Variants in CDH10 observed in about 807,000 individuals in gnomAD.
CDH10 encodes the protein cadherin-10.
Under a neutral mutation model 73.1 loss-of-function variants are expected in CDH10, and 30 were observed. The ratio of observed to expected loss-of-function variants is 0.41; its 90% CI spans 0.31 to 0.56. CDH10 has a LOEUF of 0.56. Ranked by LOEUF, CDH10 falls within the 20% of genes least tolerant of loss-of-function variation. CDH10 has a pLI of 0.27. For missense variants in CDH10, 815 were observed against 973.7 expected (o/e 0.84, Z 2.17); for synonymous variants, 345 against 348.2 (o/e 0.99, Z 0.10).
At position 24,535,103 on chromosome 5, in the gene CDH10, G is replaced by C. The variant is rs757351729; in HGVS notation, c.814+9C>G. ...TTGCCCGGCAGAATGACCATTAAAG[G>C]GTGCTTACTCTGGGGGAAACGTGGT... is the stretch of plus-strand genomic sequence containing the variant. On this transcript the variant is annotated intron_variant, in intron 5 of 11. Coordinates refer to ENST00000264463, the MANE Select transcript of CDH10 (RefSeq NM_006727.5). 6.3e-7 allele frequency: 1 copy of C among 1,586,606 alleles called. No individual in the cohort carries two copies. The highest frequency in any genetic ancestry group is 8.5e-7 in the Non-Finnish European group (1 of 1,170,626).
At chr5:24,551,410 G>A (rs1238235256) in intron 2 of CDH10, among the ~76,000 whole-genome samples, 2 of 151,798 alleles carry the variant, frequency 1.3e-5, no homozygotes, top group Admixed American at 6.6e-5. Flanking sequence ...TCAAGTTTGA[G>A]GTATTTTTTT....
chr5:24,538,736 A>G (rs541293808), intron 2 of CDH10, among the ~76,000 whole-genome samples: 1 of 152,220 alleles, frequency 6.6e-6, no homozygotes, highest in Admixed American at 6.6e-5. Flanking sequence ...ATGTTTGGGC[A>G]GGAAATAATG....
In CDH10 at chr5:24,535,859, C is replaced by T. The variant is rs745582411; in HGVS notation, c.527-37G>A. On this transcript the variant is annotated intron_variant, in intron 3 of 11. Transcript: ENST00000264463. ...AAATTCAGCTTAGTTCTGCACAGTA[C>T]CAGAAGGAGGAGCAAAAGCACTGGT... 13 of 1,493,014 alleles carry T rather than the reference C, an allele frequency of 8.7e-6. No homozygotes were observed. The Admixed American group carries it at 2.4e-4, about 28-fold the overall frequency. The allele number at this position is 1,493,014 out of a possible 1,614,324, so 92.5% of individuals were successfully genotyped here. A position where few individuals can be genotyped will look rare whatever the true frequency, so the allele number is the denominator to read the frequency against.
At chr5:24,553,977 G>C (rs1454665050) in intron 2 of CDH10, 1 of 151,726 alleles carries the variant, frequency 6.6e-6, no homozygotes, top group Non-Finnish European at 1.5e-5. Context: ...GCTCCCACTG[G>C]GCTGTGCAGA....
chr5:24,490,734 C>T (rs1386815870), intron 11 of CDH10, among the ~76,000 whole-genome samples: 4 of 151,918 alleles, frequency 2.6e-5, no homozygotes, highest in Non-Finnish European at 4.4e-5. Context: ...AAAAATATTG[C>T]TACAATTTAT....
intron 1 of CDH10, among the ~76,000 whole-genome samples, chr5:24,625,385 A>G (rs1489096288): frequency 6.6e-6 from 1 of 151,902 alleles, no homozygotes; most frequent in African/African-American, 2.4e-5. Flanking sequence ...ATGTGGAGCA[A>G]TACTCTACAC....
At chr5:24,562,396 G>T (rs1744993247) in intron 2 of CDH10, among the ~76,000 whole-genome samples, 1 of 151,804 alleles carries the variant, frequency 6.6e-6, no homozygotes, top group African/African-American at 2.4e-5. Flanking sequence ...GTCTAATGGT[G>T]TCTCAAATTT....
At chr5:24,547,674 T>C (rs931523841) in intron 2 of CDH10, among the ~76,000 whole-genome samples, 2 of 152,082 alleles carry the variant, frequency 1.3e-5, no homozygotes, top group African/African-American at 4.8e-5. Flanking sequence ...AGAATTGTGG[T>C]TCTTAGATTC....
intron 2 of CDH10, among the ~76,000 whole-genome samples, chr5:24,560,693 T>A (rs12697647): frequency 0.83 from 125,948 of 152,022 alleles, 52,219 homozygotes; most frequent in East Asian, 0.9. Context: ...GCTGCTAATC[T>A]ATGCTGGAGT....
chr5:24,626,873 TAA>T (rs555384023), intron 1 of CDH10, among the ~76,000 whole-genome samples: 29 of 81,140 alleles, frequency 3.6e-4, no homozygotes, highest in Non-Finnish European at 7.9e-4. Flanking sequence ...TGTGTATATA[TAA>T]GTGTATATAT....
At chr5:24,493,675 T>C (rs543298799) in intron 9 of CDH10, among the ~76,000 whole-genome samples, 8 of 152,044 alleles carry the variant, frequency 5.3e-5, no homozygotes, top group Admixed American at 3.3e-4. Flanking sequence ...ATCTTCCTTT[T>C]GTTCTTTAAC....
chr5:24,577,403 T>C (rs1355413675), intron 2 of CDH10, among the ~76,000 whole-genome samples: 1 of 152,122 alleles, frequency 6.6e-6, no homozygotes, highest in Non-Finnish European at 1.5e-5. Flanking sequence ...CATTAATACG[T>C]TTTTCAAAAT....
chr5:24,630,015 T>C lies in CDH10; in HGVS notation c.-124+14579A>G, dbSNP rs942203095. On this transcript the variant is annotated intron_variant, in intron 1 of 11. Transcript: ENST00000264463. ...AACCATAATATATGTTCTACTTATA[T>C]GGTGCATGAGTTTCCTCACTGAACA... Among the ~76,000 whole-genome samples, 6 of 152,178 alleles carry C rather than the reference T, an allele frequency of 3.9e-5. No homozygotes were observed. The East Asian group carries it at 5.8e-4, about 15-fold the overall frequency.
chr5:24,509,778 G>A lies in CDH10; in HGVS notation c.1044C>T (p.Val348=), dbSNP rs779358487. 3.7e-5 allele frequency: 60 copies of A among 1,611,824 alleles called. No homozygotes were observed. Among genetic ancestry groups the A allele is most frequent in the Non-Finnish European group, 4.8e-5 (56 of 1,178,158 alleles). The change falls in exon 7 of 12, where the codon GTC becomes GTT. Residue 348 remains valine, a synonymous_variant. Transcript: ENST00000264463. ...YESRRLYTLK[V]EAENTHVDPR... ...GATCTACATGGGTGTTTTCTGCTTCGACTTTCAGAGTATAAAGTCTTCGGC... is the reference window on the plus strand; with the variant it reads ...GATCTACATGGGTGTTTTCTGCTTCAACTTTCAGAGTATAAAGTCTTCGGC...
At chr5:24,612,409 T>G (rs186527162) in intron 1 of CDH10, 36 of 152,298 alleles carry the variant, frequency 2.4e-4, no homozygotes, top group Admixed American at 1.3e-3. Flanking sequence ...GGTGAAAAAT[T>G]TATTGCTTAT....
At chr5:24,593,855 C>CT (rs991060200) in intron 1 of CDH10, among the ~76,000 whole-genome samples, 134 of 151,478 alleles carry the variant, frequency 8.8e-4, no homozygotes, top group African/African-American at 3.2e-3. Context: ...CATTATTAGG[C>CT]TTTTTTTTCT....
intron 2 of CDH10, among the ~76,000 whole-genome samples, chr5:24,570,545 T>C (rs920880690): frequency 2.0e-5 from 3 of 152,114 alleles, no homozygotes; most frequent in Non-Finnish European, 4.4e-5. Context: ...ATCAAATTCC[T>C]ATCCACAGAT....
rs769029994 is a variant in CDH10 at position 24,537,632 on chromosome 5, T to C, written c.274A>G (p.Ile92Val). The C allele has an allele frequency of 1.2e-6, 2 of 1,603,964 alleles. No individual in the cohort carries two copies. Among genetic ancestry groups the C allele is most frequent in the South Asian group, 1.1e-5 (1 of 90,852 alleles). ...QDKGDGSLKY[I>V]LSGDGAGTLF... ...GTACCAGCTCCATCTCCAGATAAGA[T>C]ATATTTGAGTGATCCATCTCCTTTA... The change falls in exon 3 of 12, where the codon ATC becomes GTC. Residue 92 changes from isoleucine (I) to valine (V), a missense_variant. Physicochemically the swap from Ile to Val is conservative, Grantham distance 29 (BLOSUM62 3). This residue lies in a region of CDH10 where 516 missense variants were observed against 636.6 expected (regional missense o/e 0.81). Transcript: ENST00000264463.
chr5:24,620,754 C>T (rs553453807), intron 1 of CDH10, among the ~76,000 whole-genome samples: 44 of 152,016 alleles, frequency 2.9e-4, no homozygotes, highest in Admixed American at 4.6e-4. Flanking sequence ...CTTCTCATTG[C>T]CCCTGTTTTG....
Sources: allele counts gnomAD v4.1 joint callset (sites outside exome capture counted in the v4.1 genomes callset), GRCh38; gene constraint gnomAD v4.1.1; regional missense constraint gnomAD v4.1.1; transcripts MANE v1.5; gene names NCBI Gene and HGNC (gene_info 2026-07-23, HGNC 2026-07-21).